RPS6KA2: variants seen among roughly 807,000 people sequenced by gnomAD.
The protein encoded by RPS6KA2 is ribosomal protein S6 kinase A2.
In RPS6KA2, 42 loss-of-function variants were observed where a neutral mutation model predicts 91.8. The ratio of observed to expected loss-of-function variants is 0.46; its 90% confidence interval spans 0.36 to 0.59. The LOEUF is 0.59. RPS6KA2 is among the 20% of genes least tolerant of loss of function. The probability of loss-of-function intolerance (pLI) is 0.00; values close to 1 mark genes in which losing one functional copy is unlikely to be tolerated. For synonymous variants in RPS6KA2, 414 were observed against 393.6 expected (o/e 1.05, Z -0.61); for missense variants, 798 against 978.5 (o/e 0.82, Z 2.46).
intron 2 of RPS6KA2, among the ~76,000 whole-genome samples, chr6:166,729,906 C>T (rs1034094620): frequency 2.0e-5 from 3 of 152,190 alleles, no homozygotes; most frequent in African/African-American, 7.2e-5. Context: ...GTTTGACTGC[C>T]AGGTTGTCTA....
chr6:166,707,804 T>C (rs985801270), intron 2 of RPS6KA2, among the ~76,000 whole-genome samples: 2 of 152,182 alleles, frequency 1.3e-5, no homozygotes, highest in African/African-American at 2.4e-5. Flanking sequence ...AGTGGTGCGA[T>C]CTTGGCTCCT....
At chr6:166,750,207 T>G (rs1481125347) in intron 2 of RPS6KA2, among the ~76,000 whole-genome samples, 1 of 152,160 alleles carries the variant, frequency 6.6e-6, no homozygotes, top group African/African-American at 2.4e-5. Flanking sequence ...CATACAGGAT[T>G]AGCGTGCCCT....
intron 10 of RPS6KA2, among the ~76,000 whole-genome samples, chr6:166,479,823 C>T (rs905586596): frequency 2.0e-5 from 3 of 152,200 alleles, no homozygotes; most frequent in East Asian, 1.9e-4. Context: ...TTGCTTACCT[C>T]CCTTGCTTCC....
chr6:166,659,700 T>C (rs963128440), intron 2 of RPS6KA2, among the ~76,000 whole-genome samples: 7 of 152,134 alleles, frequency 4.6e-5, no homozygotes, highest in Non-Finnish European at 1.0e-4. Context: ...CACTGGTCAG[T>C]GGACACGGGT....
intron 2 of RPS6KA2, among the ~76,000 whole-genome samples, chr6:166,699,181 T>A (rs947101887): frequency 6.6e-6 from 1 of 152,052 alleles, no homozygotes; most frequent in African/African-American, 2.4e-5. Flanking sequence ...GTCCAGCTAA[T>A]AGAAAGGCTG....
intron 2 of RPS6KA2, among the ~76,000 whole-genome samples, chr6:166,653,379 A>G (rs1787918955): frequency 6.6e-6 from 1 of 152,164 alleles, no homozygotes; most frequent in African/African-American, 2.4e-5. Flanking sequence ...GTTTTTAAGG[A>G]GGTGAATAAT....
intron 2 of RPS6KA2, among the ~76,000 whole-genome samples, chr6:166,663,857 G>A (rs565703563): frequency 4.1e-4 from 63 of 152,280 alleles, no homozygotes; most frequent in African/African-American, 1.4e-3. Flanking sequence ...GAGGAAATAT[G>A]GTATCAGAAA....
intron 1 of RPS6KA2, among the ~76,000 whole-genome samples, chr6:166,576,198 C>A (rs572860121): frequency 2.6e-5 from 4 of 152,220 alleles, no homozygotes; most frequent in African/African-American, 4.8e-5. Flanking sequence ...TCCAATTAAA[C>A]CTCCCTTTCT....
intron 14 of RPS6KA2, among the ~76,000 whole-genome samples, chr6:166,436,093 C>T (rs1224196828): frequency 6.6e-6 from 1 of 152,166 alleles, no homozygotes; most frequent in Non-Finnish European, 1.5e-5. Flanking sequence ...CCCTGGTACA[C>T]AGAAAGCACT....
chr6:166,413,966 T>C (rs776436482), intron 19 of RPS6KA2, 35 bp from the exon 20 acceptor site: 2 of 1,604,928 alleles, frequency 1.2e-6, no homozygotes, highest in South Asian at 1.1e-5. Flanking sequence ...GGGGGGATGG[T>C]TGGATCATTT....
At chr6:166,833,221 G>A (rs536375638) in intron 2 of RPS6KA2, among the ~76,000 whole-genome samples, 1 of 152,174 alleles carries the variant, frequency 6.6e-6, no homozygotes, top group African/African-American at 2.4e-5. Context: ...GTGATCTGAT[G>A]GAAGAAACCA....
At chr6:166,564,138 C>A (rs918139476) in intron 1 of RPS6KA2, among the ~76,000 whole-genome samples, 1 of 152,210 alleles carries the variant, frequency 6.6e-6, no homozygotes, top group Non-Finnish European at 1.5e-5. Context: ...TAACATTTCC[C>A]GGGAAAATGC....
intron 3 of RPS6KA2, among the ~76,000 whole-genome samples, chr6:166,529,120 A>G (rs1055957567): frequency 1.3e-5 from 2 of 152,376 alleles, no homozygotes; most frequent in East Asian, 1.9e-4. Flanking sequence ...ACACATGCAC[A>G]TGCATGTTTA....
chr6:166,676,883 G>A (rs1360205350), intron 2 of RPS6KA2, among the ~76,000 whole-genome samples: 1 of 152,096 alleles, frequency 6.6e-6, no homozygotes, highest in Non-Finnish European at 1.5e-5. Context: ...TTTTTCTCTT[G>A]TCCTTCTTGT....
At position 166,494,417 on chromosome 6, in the gene RPS6KA2, G is replaced by A. The variant is rs964453586; in HGVS notation, c.748-3676C>T. Among the ~76,000 whole-genome samples the A allele has an allele frequency of 2.0e-5, 3 of 152,218 alleles. No individual in the cohort carries two copies. Among genetic ancestry groups the A allele is most frequent in the African/African-American group, 7.2e-5 (3 of 41,438 alleles). On this transcript the variant is annotated intron_variant, in intron 8 of 20. Coordinates refer to ENST00000265678, the MANE Select transcript of RPS6KA2 (RefSeq NM_021135.6). This position sits in a 1 kb window ranked among gnomAD's most constrained non-coding sequence, Gnocchi z 5.1. ...ATCCGTGTTTGCTATGGTGGCATAA[G>A]GACACATCACATGGCACCTGAGGCG...
chr6:166,673,064 C>A lies in RPS6KA2; in HGVS notation c.124-134280G>T, dbSNP rs190281483. On this transcript the variant is annotated intron_variant, in intron 2 of 21. Coordinates refer to the RPS6KA2 transcript ENST00000503859. ...CAGAGCTGCCCTTCCCTCCCCACTTCCTCCCATCTGCTATACTAGGTGCAC... is the reference window on the plus strand; with the variant it reads ...CAGAGCTGCCCTTCCCTCCCCACTTACTCCCATCTGCTATACTAGGTGCAC... Among the ~76,000 whole-genome samples, 12 of 152,210 alleles carry A rather than the reference C, an allele frequency of 7.9e-5. No individual in the cohort carries two copies. In the East Asian group the frequency reaches 2.1e-3, roughly 27 times the overall value.
intron 2 of RPS6KA2, among the ~76,000 whole-genome samples, chr6:166,804,475 A>T (rs748777132): frequency 3.4e-4 from 51 of 151,792 alleles, no homozygotes; most frequent in Non-Finnish European, 6.8e-4. Context: ...GATCTGTGCA[A>T]CTAGACTAAC....
upstream of RPS6KA2, chr6:166,627,391 C>T (rs1216554968): frequency 9.0e-6 from 2 of 221,738 alleles, no homozygotes; most frequent in Non-Finnish European, 1.5e-5. Context: ...GCGCTCACCA[C>T]CCCTCCCGTT....
rs138662863 is a variant in RPS6KA2, at chr6:166,821,246, G to A, written c.123+36954C>T. Among the ~76,000 whole-genome samples the A allele has an allele frequency of 4.6e-5, 7 of 152,110 alleles. No individual in the cohort carries two copies. The highest frequency in any genetic ancestry group is 1.9e-4 in the East Asian group (1 of 5,182). On this transcript the variant is annotated intron_variant, in intron 2 of 21. Transcript: ENST00000503859. The surrounding 1 kb of genome is among the most constrained non-coding windows in gnomAD (Gnocchi z 4.1). The stretch of plus-strand genomic sequence containing the variant: ...TTATTTTTAAAATATAGAGGTGATC[G>A]GGTAACACCGAGACAAGGATTTCTC...
Sources: gnomAD v4.1 joint callset for allele counts (sites outside exome capture counted in the v4.1 genomes callset) on GRCh38, gnomAD v4.1.1 for gene constraint, Gnocchi (gnomAD v3.1) non-coding constraint, MANE v1.5 for transcripts, NCBI Gene and HGNC (gene_info 2026-07-23, HGNC 2026-07-21) for gene names.